COG5: variants seen among roughly 807,000 people sequenced by gnomAD.
COG5 encodes conserved oligomeric Golgi complex subunit 5.
COG5 carries 86 observed loss-of-function variants against 110.4 expected under a neutral mutation model. That is an observed-to-expected ratio of 0.78 (90% CI 0.65 to 0.93). The LOEUF is 0.93. Ranked by LOEUF, COG5 falls within the 40% of genes least tolerant of loss-of-function variation. COG5 has a pLI of 0.00. For missense variants in COG5, 1,077 were observed against 987.0 expected (o/e 1.09, Z -1.22); for synonymous variants, 360 against 334.6 (o/e 1.08, Z -0.83).
At chr7:107,516,323 G>A (rs931612218) in intron 6 of COG5, among the ~76,000 whole-genome samples, 1 of 152,136 alleles carries the variant, frequency 6.6e-6, no homozygotes, top group Non-Finnish European at 1.5e-5. Flanking sequence ...GGTTGTTGGA[G>A]TTCCTATTAA....
At position 107,251,577 on chromosome 7, in the gene COG5, CA is replaced by C. The variant is rs146970142; in HGVS notation, c.1750-3079del. On this transcript the variant is annotated intron_variant, in intron 16 of 21. Coordinates refer to ENST00000297135, the MANE Select transcript of COG5 (RefSeq NM_006348.5). Reference sequence around the variant, plus strand: ...TCAGTAACAAGATATATGCAGAACCCAAAAGTAATTAGAAATTTTAAGAACA... The same window carrying C: ...TCAGTAACAAGATATATGCAGAACCCAAAGTAATTAGAAATTTTAAGAACA... 5.6e-3 allele frequency among the ~76,000 whole-genome samples: 849 copies of C among 151,932 alleles called. 21 individuals are homozygous for C. Among genetic ancestry groups the C allele is most frequent in the East Asian group, 0.047 (243 of 5,172 alleles).
intron 6 of COG5, among the ~76,000 whole-genome samples, chr7:107,440,242 G>A (rs1486877487): frequency 1.3e-5 from 2 of 152,198 alleles, no homozygotes; most frequent in South Asian, 2.1e-4. Flanking sequence ...TAGGACATAG[G>A]AGAACTTCAG....
At chr7:107,444,524 C>T (rs1181156576) in intron 6 of COG5, among the ~76,000 whole-genome samples, 1 of 152,142 alleles carries the variant, frequency 6.6e-6, no homozygotes, top group Non-Finnish European at 1.5e-5. Flanking sequence ...CTTTCACCCC[C>T]TACTTTATTT....
chr7:107,394,161 C>G (rs1790820649), intron 7 of COG5, among the ~76,000 whole-genome samples: 1 of 151,928 alleles, frequency 6.6e-6, no homozygotes, highest in African/African-American at 2.4e-5. Context: ...GACAGGGTTT[C>G]ACTGTGTTAG....
chr7:107,302,691 G>T (rs142746315), intron 11 of COG5, among the ~76,000 whole-genome samples: 241 of 152,288 alleles, frequency 1.6e-3, no homozygotes, highest in African/African-American at 5.5e-3. Flanking sequence ...GTTTGCTCTT[G>T]TATTTGGCAA....
At chr7:107,519,073 G>A (rs904587027) in intron 6 of COG5, among the ~76,000 whole-genome samples, 1 of 152,096 alleles carries the variant, frequency 6.6e-6, no homozygotes, top group African/African-American at 2.4e-5. Context: ...AAAATTAAAG[G>A]AAGAAATCAA....
chr7:107,214,887 C>T (rs1264721756), intron 19 of COG5, among the ~76,000 whole-genome samples: 1 of 150,918 alleles, frequency 6.6e-6, no homozygotes, highest in Non-Finnish European at 1.5e-5. Flanking sequence ...CACCAATGCA[C>T]CCCAGCCTGG....
intron 1 of COG5, among the ~76,000 whole-genome samples, chr7:107,559,974 T>C (rs1405682983): frequency 6.6e-6 from 1 of 152,252 alleles, no homozygotes; most frequent in Non-Finnish European, 1.5e-5. Context: ...TGTTTAACCA[T>C]ATCTCATTTA....
At chr7:107,239,601 T>C (rs1412283257) in intron 17 of COG5, among the ~76,000 whole-genome samples, 1 of 152,198 alleles carries the variant, frequency 6.6e-6, no homozygotes, top group Non-Finnish European at 1.5e-5. Flanking sequence ...TGTTTCCATT[T>C]ATTTGTGTTT....
In COG5 at chr7:107,338,769, C is replaced by T. The variant is rs75131896; in HGVS notation, c.1027-14248G>A. 4.3e-4 allele frequency among the ~76,000 whole-genome samples: 65 copies of T among 151,972 alleles called. No homozygotes were observed. The East Asian group carries it at 0.011, about 26-fold the overall frequency. ...AATATATAGTAACAGCCAAAAATAACGTGATTTAAAATAGACAAAAGACTT... is the reference window on the plus strand; with the variant it reads ...AATATATAGTAACAGCCAAAAATAATGTGATTTAAAATAGACAAAAGACTT... On this transcript the variant is annotated intron_variant, in intron 10 of 21. Transcript: ENST00000297135.
intron 6 of COG5, among the ~76,000 whole-genome samples, chr7:107,455,151 A>G (rs1380961805): frequency 6.6e-6 from 1 of 152,244 alleles, no homozygotes; most frequent in African/African-American, 2.4e-5. Context: ...AATTTAAAGC[A>G]GCAGGAATAA....
At chr7:107,546,121 A>C (rs1362563091) in intron 5 of COG5, among the ~76,000 whole-genome samples, 1 of 152,204 alleles carries the variant, frequency 6.6e-6, no homozygotes. Flanking sequence ...CATGCTTATG[A>C]GCAACCAATG....
At chr7:107,293,875 T>G (rs552236621) in intron 12 of COG5, among the ~76,000 whole-genome samples, 2 of 152,180 alleles carry the variant, frequency 1.3e-5, no homozygotes, top group South Asian at 4.2e-4. Context: ...AGTTCGAGAC[T>G]AGCCTGGCCA....
At chr7:107,250,266 G>A (rs1802394330) in intron 16 of COG5, among the ~76,000 whole-genome samples, 1 of 152,120 alleles carries the variant, frequency 6.6e-6, no homozygotes, top group Admixed American at 6.6e-5. Context: ...CTCGGCACGA[G>A]TCTTCAGCTA....
At chr7:107,266,383 T>C (rs533640663) in intron 14 of COG5, among the ~76,000 whole-genome samples, 2 of 152,324 alleles carry the variant, frequency 1.3e-5, no homozygotes, top group South Asian at 4.1e-4. Flanking sequence ...CAAATTCTAC[T>C]TAGGTTAACC....
At chr7:107,501,175 C>T (rs1798607705) in intron 6 of COG5, among the ~76,000 whole-genome samples, 1 of 151,900 alleles carries the variant, frequency 6.6e-6, no homozygotes, top group Admixed American at 6.6e-5. Context: ...TAGAATAAGC[C>T]TGTAGTTCTG....
chr7:107,563,546 G>A, intron 1 of COG5: 10 of 187,482 alleles, frequency 5.3e-5, no homozygotes, highest in South Asian at 4.4e-4. Context: ...TGGAGGCATG[G>A]GGGGGGGGGG....
At chr7:107,420,514 G>A (rs1793208668) in intron 6 of COG5, among the ~76,000 whole-genome samples, 1 of 152,198 alleles carries the variant, frequency 6.6e-6, no homozygotes, top group Non-Finnish European at 1.5e-5. Context: ...AGGCTGGAGT[G>A]CAGTGGTGCA....
intron 6 of COG5, among the ~76,000 whole-genome samples, chr7:107,414,039 G>A (rs1563019574): frequency 1.3e-5 from 2 of 152,178 alleles, no homozygotes; most frequent in African/African-American, 4.8e-5. Flanking sequence ...TATTCAAAGA[G>A]ATAGTATTCC....
Sources: gnomAD v4.1 joint callset for allele counts (sites outside exome capture counted in the v4.1 genomes callset) on GRCh38, gnomAD v4.1.1 for gene constraint, MANE v1.5 for transcripts, NCBI Gene and HGNC (gene_info 2026-07-23, HGNC 2026-07-21) for gene names.